The following LAMA2 variants were observed in gnomAD, a reference collection of about 807,000 sequenced individuals.
LAMA2 encodes the protein laminin subunit alpha-2.
A neutral mutation model predicts 364.8 loss-of-function variants in LAMA2; 269 were observed. That is an observed-to-expected ratio of 0.74 (90% confidence interval 0.67 to 0.82). LAMA2 has a LOEUF of 0.82. LAMA2 is among the 40% of genes least tolerant of loss of function. The pLI, the probability that LAMA2 is intolerant of heterozygous loss-of-function variation, is 0.00. For missense variants in LAMA2, 3,807 were observed against 3,873.2 expected, an observed-to-expected ratio of 0.98 and a Z score of 0.45; for synonymous variants, 1,379 against 1,370.6, an observed-to-expected ratio of 1.01 and a Z score of -0.14.
At chr6:129,090,855 A>G (rs1378663080) in intron 3 of LAMA2, among the ~76,000 whole-genome samples, 2 of 152,194 alleles carry the variant, frequency 1.3e-5, no homozygotes, top group Non-Finnish European at 2.9e-5. Context: ...CAGGTCCATC[A>G]TTTTATGGGG....
intron 3 of LAMA2, among the ~76,000 whole-genome samples, chr6:129,074,048 G>A (rs1773481963): frequency 6.6e-6 from 1 of 152,200 alleles, no homozygotes; most frequent in Non-Finnish European, 1.5e-5. Flanking sequence ...CTTAGTTAGA[G>A]ATTCTGATGG....
intron 12 of LAMA2, among the ~76,000 whole-genome samples, chr6:129,219,540 T>A (rs368602625): frequency 9.3e-5 from 14 of 150,376 alleles, no homozygotes; most frequent in Non-Finnish European, 1.0e-4. Flanking sequence ...ATGTTTATTG[T>A]GGCACTATTC....
At chr6:129,111,526 G>C (rs1003859414) in intron 4 of LAMA2, among the ~76,000 whole-genome samples, 3 of 151,898 alleles carry the variant, frequency 2.0e-5, no homozygotes, top group African/African-American at 7.2e-5. Flanking sequence ...GTTGAGCCAT[G>C]GGAAATTGCC....
chr6:129,009,273 A>G (rs902767870), intron 1 of LAMA2, among the ~76,000 whole-genome samples: 1 of 152,178 alleles, frequency 6.6e-6, no homozygotes, highest in African/African-American at 2.4e-5. Context: ...TCTCTGAAAT[A>G]ATTATTAGGA....
chr6:129,008,231 A>G (rs915000638), intron 1 of LAMA2, among the ~76,000 whole-genome samples: 6 of 152,038 alleles, frequency 3.9e-5, no homozygotes, highest in Non-Finnish European at 7.4e-5. Flanking sequence ...CTCTGTGTGC[A>G]TTTACTGACG....
intron 9 of LAMA2, 127 bp downstream of exon 9, chr6:129,165,802 G>A (rs1779712454): frequency 1.4e-6 from 1 of 697,716 alleles, no homozygotes; most frequent in South Asian, 1.6e-5. Context: ...TAATCTATCA[G>A]TGTATTAGCG....
At chr6:128,995,273 G>A (rs531929313) in intron 1 of LAMA2, among the ~76,000 whole-genome samples, 1 of 152,254 alleles carries the variant, frequency 6.6e-6, no homozygotes, top group Non-Finnish European at 1.5e-5. Context: ...GTGATGCTGA[G>A]GTTTGGAGTA....
At chr6:129,136,046 A>T (rs1327429090) in intron 4 of LAMA2, among the ~76,000 whole-genome samples, 1 of 151,644 alleles carries the variant, frequency 6.6e-6, no homozygotes, top group Non-Finnish European at 1.5e-5. Context: ...AAAAAGTGAG[A>T]GGGAAGGGGG....
chr6:129,277,647 A>G (rs1297225822), intron 17 of LAMA2, among the ~76,000 whole-genome samples: 6 of 152,150 alleles, frequency 3.9e-5, no homozygotes, highest in South Asian at 2.1e-4. Context: ...CCCATACTAA[A>G]TTCTCCTGGA....
chr6:129,270,537 A>C, intron 16 of LAMA2, 87 bp from the exon 17 acceptor site: 1 of 1,318,072 alleles, frequency 7.6e-7, no homozygotes, highest in South Asian at 1.2e-5. Context: ...GGCAGGGAGC[A>C]GACTAATGAC....
chr6:129,078,739 A>G (rs974053237), intron 3 of LAMA2, among the ~76,000 whole-genome samples: 1 of 152,134 alleles, frequency 6.6e-6, no homozygotes, highest in African/African-American at 2.4e-5. Context: ...ATTCAGCTCT[A>G]CAATGCTTTT....
intron 22 of LAMA2, among the ~76,000 whole-genome samples, chr6:129,302,499 T>C (rs1773608951): frequency 6.6e-6 from 1 of 152,132 alleles, no homozygotes; most frequent in South Asian, 2.1e-4. Context: ...CACTAGCTTA[T>C]TATCTTTTTC....
Position 129,491,987 on chromosome 6 carries a change from T to C in LAMA2, c.7985T>C (p.Val2662Ala), listed in dbSNP as rs138732723. 3.5e-4 allele frequency: 571 copies of C among 1,613,976 alleles called. No individual in the cohort carries two copies. The highest frequency in any genetic ancestry group is 4.6e-4 in the Non-Finnish European group (545 of 1,179,886). Reference protein sequence around the residue: ...EQPIEVKKLFVGGAPPEFQPS... With the variant: ...EQPIEVKKLFAGGAPPEFQPS... ...CCTATCGAAGTTAAAAAGCTTTTCG[T>C]TGGGGGTGCTCCACCTGAATTTCAA... is the stretch of plus-strand genomic sequence containing the variant. The change falls in exon 57 of 65, where the codon GTT becomes GCT. Residue 2662 changes from valine to alanine, a missense_variant. Transcript: ENST00000421865.
chr6:129,073,727 C>A (rs1023247766), intron 3 of LAMA2, among the ~76,000 whole-genome samples: 1 of 151,974 alleles, frequency 6.6e-6, no homozygotes, highest in African/African-American at 2.4e-5. Context: ...CCATTTGATA[C>A]TTTAAAAAAA....
intron 1 of LAMA2, among the ~76,000 whole-genome samples, chr6:128,885,689 C>A (rs1405175734): frequency 1.3e-5 from 2 of 152,108 alleles, no homozygotes; most frequent in East Asian, 1.9e-4. Flanking sequence ...CCTTATAATT[C>A]GATACCACTT....
At chr6:129,286,727 TATATTATATA>T (rs1358129277) in intron 18 of LAMA2, among the ~76,000 whole-genome samples, 1 of 98 alleles carries the variant, frequency 0.01, no homozygotes, top group Non-Finnish European at 0.045. Flanking sequence ...TATTATATAA[TATATTATATA>T]ATATATAATA....
intron 40 of LAMA2, among the ~76,000 whole-genome samples, chr6:129,413,309 T>C (rs1233123095): frequency 6.6e-6 from 1 of 152,034 alleles, no homozygotes; most frequent in African/African-American, 2.4e-5. Flanking sequence ...TAAAGATAAA[T>C]ATATCAGAAT....
chr6:129,291,559 C>A, intron 19 of LAMA2, 55 bp from the exon 20 acceptor site: 1 of 1,184,650 alleles, frequency 8.4e-7, no homozygotes, highest in Non-Finnish European at 1.3e-6. Context: ...ATTTAACAAG[C>A]CTATTAAGAC....
rs148905630 is a variant in LAMA2, at chr6:129,342,380, G to A, written c.4349G>A (p.Arg1450Gln). 1.7e-4 allele frequency: 273 copies of A among 1,613,234 alleles called. 1 individual carries two copies. In the African/African-American group the frequency reaches 3.2e-3, roughly 19 times the overall value. The change falls in exon 30 of 65, where the codon CGA becomes CAA. Residue 1450 changes from arginine to glutamine, a missense_variant. By Grantham distance (43) the Arg-to-Gln change is conservative (BLOSUM62 1). Coordinates refer to ENST00000421865, the MANE Select transcript of LAMA2 (RefSeq NM_000426.4). ...QHHTAGDFCERCALGYYGIVK... is the reference protein window; with the variant it reads ...QHHTAGDFCEQCALGYYGIVK... ...CACACTGCTGGTGACTTCTGTGAAC[G>A]ATGTGCTCTTGGATACTATGGAATT...
Sources: gnomAD v4.1 joint callset for allele counts (sites outside exome capture counted in the v4.1 genomes callset) on GRCh38, gnomAD v4.1.1 for gene constraint, MANE v1.5 for transcripts, NCBI Gene and HGNC (gene_info 2026-07-23, HGNC 2026-07-21) for gene names.